NCALD: variants seen among roughly 807,000 people sequenced by gnomAD.
The protein encoded by NCALD is neurocalcin delta, also known as neurocalcin-delta.
Under a neutral mutation model 18.6 loss-of-function variants are expected in NCALD, and 10 were observed. That is an observed-to-expected ratio of 0.54 (90% confidence interval 0.33 to 0.91). NCALD has a LOEUF of 0.91. NCALD is among the 40% of genes least tolerant of loss of function. The pLI, the probability that NCALD is intolerant of heterozygous loss-of-function variation, is 0.03. For missense variants in NCALD, 184 were observed against 247.6 expected, an observed-to-expected ratio of 0.74 and a Z score of 1.72; for synonymous variants, 88 against 87.4, an observed-to-expected ratio of 1.01 and a Z score of -0.04.
chr8:101,776,457 AT>A (rs201308224), intron 1 of NCALD, among the ~76,000 whole-genome samples: 62 of 150,830 alleles, frequency 4.1e-4, no homozygotes, highest in Middle Eastern at 3.4e-3. Context: ...ACAACCAGTA[AT>A]TTTTTTTTTA....
chr8:101,994,850 C>T (rs572013301), intron 2 of NCALD, among the ~76,000 whole-genome samples: 2 of 152,336 alleles, frequency 1.3e-5, no homozygotes, highest in African/African-American at 4.8e-5. Flanking sequence ...GTCCTAAAAC[C>T]ATCTCTTAGC....
intron 2 of NCALD, among the ~76,000 whole-genome samples, chr8:101,982,790 G>A (rs528532552): frequency 1.3e-3 from 202 of 151,076 alleles, no homozygotes; most frequent in African/African-American, 2.8e-3. Flanking sequence ...GTAGTGAGCC[G>A]TGATCACACC....
intron 3 of NCALD, among the ~76,000 whole-genome samples, chr8:101,909,504 T>A (rs1817716960): frequency 6.6e-6 from 1 of 152,220 alleles, no homozygotes; most frequent in Non-Finnish European, 1.5e-5. Flanking sequence ...TCAAGCTTAC[T>A]GATGGCGCAA....
chr8:102,073,428 G>A (rs35845247), intron 1 of NCALD, among the ~76,000 whole-genome samples: 12,678 of 151,974 alleles, frequency 0.083, 694 homozygotes, highest in Middle Eastern at 0.12. Context: ...TTGATGATGA[G>A]AATATAGAGA....
chr8:102,046,630 A>G (rs1175631169), intron 1 of NCALD, among the ~76,000 whole-genome samples: 1 of 151,970 alleles, frequency 6.6e-6, no homozygotes, highest in South Asian at 2.1e-4. Flanking sequence ...TCAGTCTCTC[A>G]AGTAGCTGGG....
intron 1 of NCALD, among the ~76,000 whole-genome samples, chr8:101,723,792 T>C (rs1421288607): frequency 6.6e-6 from 1 of 152,202 alleles, no homozygotes; most frequent in Non-Finnish European, 1.5e-5. Flanking sequence ...GTAACATTAA[T>C]ATAAACAATG....
chr8:101,905,682 G>C (rs963356755), intron 3 of NCALD, among the ~76,000 whole-genome samples: 1 of 152,090 alleles, frequency 6.6e-6, no homozygotes, highest in Non-Finnish European at 1.5e-5. Context: ...CCACTCCCTC[G>C]ATAAAGGAAG....
intron 1 of NCALD, among the ~76,000 whole-genome samples, chr8:101,767,582 G>A (rs1010699318): frequency 6.6e-6 from 1 of 152,200 alleles, no homozygotes; most frequent in African/African-American, 2.4e-5. Context: ...TAAGGAAATT[G>A]CCTATGGACT....
chr8:102,104,731 A>G (rs7826367), intron 1 of NCALD, among the ~76,000 whole-genome samples: 23,153 of 152,108 alleles, frequency 0.15, 2,211 homozygotes, highest in African/African-American at 0.27. Context: ...TAACATGTCA[A>G]TTGTCACGGG....
chr8:101,944,052 A>G (rs1056413400), intron 2 of NCALD, among the ~76,000 whole-genome samples: 1 of 152,222 alleles, frequency 6.6e-6, no homozygotes, highest in Non-Finnish European at 1.5e-5. Flanking sequence ...AGTCCCTTCC[A>G]GCAGCCTAGT....
Position 101,893,897 on chromosome 8 carries a change from T to G in NCALD, c.-106-6670A>C, listed in dbSNP as rs1204506791. Among the ~76,000 whole-genome samples, 26 of 146,248 alleles carry G rather than the reference T, an allele frequency of 1.8e-4. 1 individual carries two copies. Among genetic ancestry groups the G allele is most frequent in the Non-Finnish European group, 2.8e-4 (19 of 67,706 alleles). The stretch of plus-strand genomic sequence containing the variant: ...GAGTGACCTACAAAGAGACGTAGAC[T>G]CCCACACATTAATAATGGTAGACTT... On this transcript the variant is annotated intron_variant, in intron 3 of 6. Transcript: ENST00000311028.
In NCALD at chr8:102,104,115, G is replaced by A. The variant is rs558089974; in HGVS notation, c.-210+20122C>T. Among the ~76,000 whole-genome samples, 7 of 152,306 alleles carry A rather than the reference G, an allele frequency of 4.6e-5. No homozygotes were observed. The South Asian group carries it at 1.5e-3, about 32-fold the overall frequency. On this transcript the variant is annotated intron_variant, in intron 1 of 6. Transcript: ENST00000311028. ...TATCCGCACGCGTGAAGACTTGCTG[G>A]TTTAACCTCCACACGACTTCAAGTC...
intron 1 of NCALD, among the ~76,000 whole-genome samples, chr8:102,110,558 T>A (rs117554369): frequency 2.8e-4 from 43 of 152,332 alleles, no homozygotes; most frequent in Non-Finnish European, 5.3e-4. Flanking sequence ...CCTACTAGGC[T>A]GGGCACTTAG....
At chr8:102,000,234 G>T (rs903942330) in intron 2 of NCALD, among the ~76,000 whole-genome samples, 3 of 152,168 alleles carry the variant, frequency 2.0e-5, no homozygotes, top group African/African-American at 7.2e-5. Context: ...CATATTCCGC[G>T]CCTGGCTCAG....
chr8:101,774,016 A>G (rs1333148606), intron 1 of NCALD, among the ~76,000 whole-genome samples: 1 of 152,192 alleles, frequency 6.6e-6, no homozygotes, highest in Non-Finnish European at 1.5e-5. Flanking sequence ...GCAAAGTTAA[A>G]ATGCTGCTAT....
intron 1 of NCALD, among the ~76,000 whole-genome samples, chr8:101,754,700 A>G (rs1169277046): frequency 1.3e-5 from 2 of 152,176 alleles, no homozygotes; most frequent in South Asian, 4.1e-4. Flanking sequence ...ATCACCATCT[A>G]ACAGATGAGG....
chr8:101,928,591 C>T (rs1818424250), intron 2 of NCALD, among the ~76,000 whole-genome samples: 2 of 149,280 alleles, frequency 1.3e-5, no homozygotes, highest in Admixed American at 1.3e-4. Flanking sequence ...TGGGCTCAGG[C>T]TATGGACACT....
chr8:101,840,811 A>G (rs1814613410), intron 4 of NCALD, among the ~76,000 whole-genome samples: 1 of 152,210 alleles, frequency 6.6e-6, no homozygotes, highest in Admixed American at 6.5e-5. Context: ...ATTTTATTAC[A>G]CCATTTATTA....
chr8:102,104,714 G>T (rs1293938669), intron 1 of NCALD, among the ~76,000 whole-genome samples: 1 of 152,112 alleles, frequency 6.6e-6, no homozygotes, highest in Admixed American at 6.5e-5. Context: ...CCCATTTCTT[G>T]TAATACTAAC....
Sources: gnomAD v4.1 joint callset for allele counts (sites outside exome capture counted in the v4.1 genomes callset) on GRCh38, gnomAD v4.1.1 for gene constraint, MANE v1.5 for transcripts, NCBI Gene and HGNC (gene_info 2026-07-23, HGNC 2026-07-21) for gene names.